CSNK2A1: variants seen among roughly 807,000 people sequenced by gnomAD.
CSNK2A1 encodes casein kinase 2 alpha 1, also known as casein kinase II subunit alpha.
CSNK2A1 carries 10 observed loss-of-function variants against 62.9 expected under a neutral mutation model. That is an observed-to-expected ratio of 0.16 (90% CI 0.10 to 0.27). The LOEUF is 0.27. Ranked by LOEUF, CSNK2A1 falls within the 10% of genes least tolerant of loss-of-function variation. The pLI is 1.00. For synonymous variants in CSNK2A1, 124 were observed against 167.8 expected, an observed-to-expected ratio of 0.74 and a Z score of 2.02; for missense variants, 160 against 492.0, an observed-to-expected ratio of 0.33 and a Z score of 6.38.
At chr20:511,534 G>A (rs997470503) in intron 2 of CSNK2A1, among the ~76,000 whole-genome samples, 1 of 152,064 alleles carries the variant, frequency 6.6e-6, no homozygotes, top group Non-Finnish European at 1.5e-5. Flanking sequence ...TCTATTTTCT[G>A]CCTGAGCTGG....
At chr20:537,994 C>T (rs1359685318) in intron 1 of CSNK2A1, among the ~76,000 whole-genome samples, 3 of 145,496 alleles carry the variant, frequency 2.1e-5, no homozygotes, top group African/African-American at 7.9e-5. Context: ...CGGAGTCTTG[C>T]TCTGTCCCCC....
chr20:535,449 T>G (rs1464821070), intron 1 of CSNK2A1, among the ~76,000 whole-genome samples: 1 of 152,120 alleles, frequency 6.6e-6, no homozygotes, highest in Admixed American at 6.5e-5. Context: ...AGCCATTCTA[T>G]ATAATCATAA....
chr20:492,045 T>C (rs1278684682), intron 9 of CSNK2A1, among the ~76,000 whole-genome samples: 1 of 152,242 alleles, frequency 6.6e-6, no homozygotes, highest in Admixed American at 6.5e-5. Context: ...AACCTATTCA[T>C]ATTCTACCGA....
intron 2 of CSNK2A1, among the ~76,000 whole-genome samples, chr20:517,597 C>T (rs1400320159): frequency 6.6e-6 from 1 of 151,484 alleles, no homozygotes; most frequent in Admixed American, 6.6e-5. Context: ...TGGGGAAAAA[C>T]TGTAAGAGAA....
chr20:528,523 C>A (rs2019144408), intron 1 of CSNK2A1, among the ~76,000 whole-genome samples: 1 of 151,688 alleles, frequency 6.6e-6, no homozygotes. Context: ...TCAAGCAATC[C>A]TCCTCCTTCA....
intron 1 of CSNK2A1, among the ~76,000 whole-genome samples, chr20:534,209 G>C (rs2019267203): frequency 1.3e-5 from 2 of 152,242 alleles, no homozygotes; most frequent in Non-Finnish European, 1.5e-5. Context: ...GTGGAAGCCA[G>C]ATCTGTTTAG....
At chr20:486,871 A>G (rs1039437682) in intron 12 of CSNK2A1, 1 of 189,324 alleles carries the variant, frequency 5.3e-6, no homozygotes, top group African/African-American at 2.4e-5. Context: ...CTATGACCAC[A>G]TTCTCTATCC....
intron 2 of CSNK2A1, among the ~76,000 whole-genome samples, chr20:518,163 A>C (rs1188990494): frequency 6.6e-6 from 1 of 152,222 alleles, no homozygotes; most frequent in Non-Finnish European, 1.5e-5. Context: ...AGAAGTAATT[A>C]TAGCCAAAAG....
chr20:508,983 T>C (rs556954615), intron 2 of CSNK2A1, among the ~76,000 whole-genome samples: 2 of 152,234 alleles, frequency 1.3e-5, no homozygotes, highest in Non-Finnish European at 2.9e-5. Flanking sequence ...TACCACTAGT[T>C]ATATATTCTA....
intron 2 of CSNK2A1, among the ~76,000 whole-genome samples, chr20:517,823 ACCTGATGTGCT>A (rs2018859396): frequency 6.6e-6 from 1 of 152,138 alleles, no homozygotes; most frequent in Non-Finnish European, 1.5e-5. Context: ...GTAAAAAAGC[ACCTGATGTGCT>A]TTTTTTGCAC....
chr20:515,791 GTTTA>G (rs2018818221), intron 2 of CSNK2A1, among the ~76,000 whole-genome samples: 1 of 152,140 alleles, frequency 6.6e-6, no homozygotes, highest in Non-Finnish European at 1.5e-5. Flanking sequence ...ATTAATCTTG[GTTTA>G]TTTTTTAAAA....
At chr20:543,278 C>T in intron 1 of CSNK2A1, 1 of 155,900 alleles carries the variant, frequency 6.4e-6, no homozygotes, top group Non-Finnish European at 1.4e-5. Context: ...CACTACCCAG[C>T]AGGCACCACT....
chr20:502,740 G>GA (rs2018496594), intron 4 of CSNK2A1: 1 of 152,304 alleles, frequency 6.6e-6, no homozygotes, highest in East Asian at 1.9e-4. Flanking sequence ...AGACTGCAAG[G>GA]AAATGCAGAG....
At chr20:503,942 C>T (rs1322894548) in intron 4 of CSNK2A1, among the ~76,000 whole-genome samples, 1 of 152,214 alleles carries the variant, frequency 6.6e-6, no homozygotes, top group Non-Finnish European at 1.5e-5. Context: ...CTTTGGGAGG[C>T]CGAGGCGGGC....
rs950044007 is a variant in CSNK2A1 at position 543,712 on chromosome 20, T to C, written c.-267A>G. The C allele has an allele frequency of 7.0e-5, 28 of 398,428 alleles. No individual in the cohort carries two copies. The highest frequency in any genetic ancestry group is 5.3e-4 in the African/African-American group (26 of 48,748). 24.7% of individuals were successfully genotyped at this position (398,428 alleles called of 1,614,324 possible). ...CAGCGGCGGCGGCCGCTCTCCCCTC[T>C]GCTCACACAGACAATATGGCGGCGA... On this transcript the variant is annotated 5_prime_UTR_variant, in exon 1 of 14. Coordinates refer to ENST00000217244, the MANE Select transcript of CSNK2A1 (RefSeq NM_177559.3).
At chr20:528,867 G>A (rs902495748) in intron 1 of CSNK2A1, among the ~76,000 whole-genome samples, 1 of 152,180 alleles carries the variant, frequency 6.6e-6, no homozygotes, top group African/African-American at 2.4e-5. Context: ...GTAGTGATTG[G>A]AAAACATTCG....
intron 2 of CSNK2A1, among the ~76,000 whole-genome samples, chr20:510,493 T>A (rs1371319827): frequency 6.6e-6 from 1 of 152,074 alleles, no homozygotes; most frequent in Non-Finnish European, 1.5e-5. Flanking sequence ...TGTCTATTGT[T>A]AAGAAATTTT....
At chr20:518,790 C>T (rs555656901) in intron 2 of CSNK2A1, among the ~76,000 whole-genome samples, 7 of 149,570 alleles carry the variant, frequency 4.7e-5, no homozygotes, top group Non-Finnish European at 8.9e-5. Context: ...CTCCTGACCT[C>T]GTGATCCACC....
chr20:475,125 A>C lies in CSNK2A1; in HGVS notation c.*8836T>G, dbSNP rs1016006283. 1 of 152,192 alleles carries C rather than the reference A, an allele frequency of 6.6e-6. No individual in the cohort carries two copies. The highest frequency in any genetic ancestry group is 1.5e-5 in the Non-Finnish European group (1 of 68,056). The allele number at this position is 152,192 out of a possible 1,614,324, so 9.4% of individuals were successfully genotyped here. On this transcript the variant is annotated 3_prime_UTR_variant, in exon 14 of 14. Transcript: ENST00000217244. Reference sequence around the variant, plus strand: ...GTGTTGTTTCTGGCCATGGAGTCTCAAAGACTGATTCTCAATTTTTGTTGC... The same window carrying C: ...GTGTTGTTTCTGGCCATGGAGTCTCCAAGACTGATTCTCAATTTTTGTTGC...
Sources: gnomAD v4.1 joint callset for allele counts (sites outside exome capture counted in the v4.1 genomes callset) on GRCh38, gnomAD v4.1.1 for gene constraint, MANE v1.5 for transcripts, NCBI Gene and HGNC (gene_info 2026-07-23, HGNC 2026-07-21) for gene names.